The following PTPRD variants were observed in gnomAD, a reference collection of about 807,000 sequenced individuals.
PTPRD encodes receptor-type tyrosine-protein phosphatase delta.
Under a neutral mutation model 214.5 loss-of-function variants are expected in PTPRD, and 34 were observed. That is an observed-to-expected ratio of 0.16 (90% CI 0.12 to 0.21). The LOEUF is 0.21. Among genes scored for constraint, PTPRD ranks in the 10% least tolerant of loss-of-function variants. The pLI, the probability that PTPRD is intolerant of heterozygous loss-of-function variation, is 1.00. For missense variants in PTPRD, 2,545 were observed against 2,398.7 expected, an observed-to-expected ratio of 1.06 and a Z score of -1.27; for synonymous variants, 1,128 against 845.7, an observed-to-expected ratio of 1.33 and a Z score of -5.79.
At chr9:9,611,574 T>C (rs1044385593) in intron 7 of PTPRD, among the ~76,000 whole-genome samples, 4 of 152,062 alleles carry the variant, frequency 2.6e-5, no homozygotes, top group Non-Finnish European at 4.4e-5. Flanking sequence ...ACTATAAACA[T>C]AGTCATATAT....
intron 11 of PTPRD, among the ~76,000 whole-genome samples, chr9:8,795,826 G>C (rs1001156448): frequency 6.6e-6 from 1 of 152,070 alleles, no homozygotes; most frequent in Non-Finnish European, 1.5e-5. Context: ...ATAAGATCTA[G>C]AGGAGAAGAT....
intron 10 of PTPRD, among the ~76,000 whole-genome samples, chr9:9,123,851 T>C (rs1191738168): frequency 6.6e-6 from 1 of 152,134 alleles, no homozygotes; most frequent in African/African-American, 2.4e-5. Context: ...ATAGCCACAA[T>C]GAATCACAGT....
At chr9:9,004,020 A>C (rs1484630380) in intron 11 of PTPRD, among the ~76,000 whole-genome samples, 1 of 152,082 alleles carries the variant, frequency 6.6e-6, no homozygotes, top group Admixed American at 6.6e-5. Flanking sequence ...CATTGCAAAG[A>C]CCAATACTGA....
At chr9:9,361,490 G>T (rs2056131267) in intron 9 of PTPRD, among the ~76,000 whole-genome samples, 2 of 150,648 alleles carry the variant, frequency 1.3e-5, no homozygotes, top group African/African-American at 4.9e-5. Flanking sequence ...ATGCACCATG[G>T]CTCTTTACTG....
chr9:9,743,896 A>C (rs2098432962), intron 6 of PTPRD, among the ~76,000 whole-genome samples: 1 of 152,128 alleles, frequency 6.6e-6, no homozygotes, highest in Admixed American at 6.6e-5. Flanking sequence ...TTGATCCGAT[A>C]AATCTATACA....
At chr9:9,062,685 T>C (rs183045710) in intron 10 of PTPRD, among the ~76,000 whole-genome samples, 12 of 152,164 alleles carry the variant, frequency 7.9e-5, no homozygotes, top group Non-Finnish European at 1.6e-4. Context: ...GGGTAAATAA[T>C]TATACCAATA....
chr9:9,761,480 G>A (rs947877347), intron 6 of PTPRD, among the ~76,000 whole-genome samples: 8 of 152,054 alleles, frequency 5.3e-5, no homozygotes, highest in Non-Finnish European at 7.4e-5. Flanking sequence ...TCTTGACTGT[G>A]GGGTAGGATA....
intron 9 of PTPRD, among the ~76,000 whole-genome samples, chr9:9,250,979 G>C (rs1275659376): frequency 2.0e-5 from 3 of 152,008 alleles, no homozygotes; most frequent in Non-Finnish European, 4.4e-5. Flanking sequence ...GCATGAACCA[G>C]CTTAAGAAAT....
intron 8 of PTPRD, among the ~76,000 whole-genome samples, chr9:9,488,080 T>C (rs1368163601): frequency 6.6e-6 from 1 of 152,186 alleles, no homozygotes; most frequent in Non-Finnish European, 1.5e-5. Context: ...TATTGTAACC[T>C]TTATTTTGCA....
intron 14 of PTPRD, among the ~76,000 whole-genome samples, chr9:8,615,800 G>C (rs891764585): frequency 1.3e-5 from 2 of 151,988 alleles, no homozygotes; most frequent in Admixed American, 1.3e-4. Context: ...GTCCTTATCA[G>C]GAAGTAATAA....
chr9:8,780,806 G>C (rs2095664195), intron 11 of PTPRD, among the ~76,000 whole-genome samples: 1 of 152,212 alleles, frequency 6.6e-6, no homozygotes, highest in Admixed American at 6.5e-5. Context: ...ATAGATGCCA[G>C]AAAAGGAAGG....
Position 8,819,329 on chromosome 9 carries a change from T to C in PTPRD, c.-103-85383A>G, listed in dbSNP as rs560383419. On this transcript the variant is annotated intron_variant, in intron 11 of 45. Transcript: ENST00000381196. ...TAGACTGATCTGTTTCATATTCATATATTAACTTATATTTTATTTTATTAT... is the reference window on the plus strand; with the variant it reads ...TAGACTGATCTGTTTCATATTCATACATTAACTTATATTTTATTTTATTAT... Among the ~76,000 whole-genome samples, 1,005 of 152,200 alleles carry C rather than the reference T, an allele frequency of 6.6e-3. 5 individuals are homozygous for C. The highest frequency in any genetic ancestry group is 0.011 in the Admixed American group (167 of 15,290).
intron 7 of PTPRD, among the ~76,000 whole-genome samples, chr9:9,725,282 C>T (rs765350087): frequency 3.4e-5 from 5 of 149,046 alleles, no homozygotes; most frequent in Non-Finnish European, 5.9e-5. Flanking sequence ...TGAGATCTGA[C>T]GGTATTAAAA....
At chr9:9,099,066 A>G (rs2154438212) in intron 10 of PTPRD, among the ~76,000 whole-genome samples, 1 of 152,336 alleles carries the variant, frequency 6.6e-6, no homozygotes, top group East Asian at 1.9e-4. Flanking sequence ...GAGTACAATG[A>G]CATTTTGATA....
intron 5 of PTPRD, among the ~76,000 whole-genome samples, chr9:9,807,851 CA>C (rs1251934399): frequency 2.0e-5 from 3 of 152,130 alleles, no homozygotes; most frequent in Non-Finnish European, 2.9e-5. Flanking sequence ...TTTTCCAAAA[CA>C]GATGATTCTG....
chr9:8,493,641 A>G (rs1166918343), intron 26 of PTPRD, among the ~76,000 whole-genome samples: 1 of 152,192 alleles, frequency 6.6e-6, no homozygotes, highest in East Asian at 1.9e-4. Context: ...AGCAGAAATC[A>G]TTATCCACTG....
chr9:9,325,976 T>C (rs1969903233), intron 9 of PTPRD, among the ~76,000 whole-genome samples: 1 of 152,166 alleles, frequency 6.6e-6, no homozygotes, highest in South Asian at 2.1e-4. Flanking sequence ...TTCGGTTCTG[T>C]TTATGCGATG....
At chr9:8,800,428 G>A (rs1348832691) in intron 11 of PTPRD, among the ~76,000 whole-genome samples, 1 of 152,080 alleles carries the variant, frequency 6.6e-6, no homozygotes, top group African/African-American at 2.4e-5. Flanking sequence ...ACAAGATACA[G>A]GTCATAAAGA....
chr9:10,176,900 G>A (rs2099251787), intron 3 of PTPRD, among the ~76,000 whole-genome samples: 2 of 151,814 alleles, frequency 1.3e-5, no homozygotes, highest in African/African-American at 4.8e-5. Context: ...TTTATTCACT[G>A]AAGCACATTC....
Sources: allele counts gnomAD v4.1 joint callset (sites outside exome capture counted in the v4.1 genomes callset), GRCh38; gene constraint gnomAD v4.1.1; transcripts MANE v1.5; gene names NCBI Gene and HGNC (gene_info 2026-07-23, HGNC 2026-07-21).